Variants in DST observed in about 807,000 individuals in gnomAD.
DST encodes bullous pemphigoid antigen.
A neutral mutation model predicts 875.2 loss-of-function variants in DST; 253 were observed. The observed-to-expected ratio is 0.29, with a 90% confidence interval of 0.26 to 0.32. The LOEUF (loss-of-function observed/expected upper bound fraction) is 0.32, where lower values mean the gene tolerates loss of function less well. Ranked by LOEUF, DST falls within the 10% of genes least tolerant of loss-of-function variation. The pLI is 1.00. For missense variants in DST, 8,287 were observed against 9,111.6 expected, an observed-to-expected ratio of 0.91 and a Z score of 3.68; for synonymous variants, 3,124 against 3,197.1, an observed-to-expected ratio of 0.98 and a Z score of 0.77.
chr6:56,857,679 G>A (rs1309507262), intron 3 of DST, among the ~76,000 whole-genome samples: 1 of 152,044 alleles, frequency 6.6e-6, no homozygotes, highest in Non-Finnish European at 1.5e-5. Flanking sequence ...TCCAAAATTA[G>A]GAAAATCAAA....
intron 50 of DST, among the ~76,000 whole-genome samples, chr6:56,578,405 C>T (rs764262537): frequency 1.3e-5 from 2 of 152,062 alleles, no homozygotes; most frequent in Non-Finnish European, 2.9e-5. Flanking sequence ...CAATTAAGCA[C>T]ATTTCTCAAC....
intron 4 of DST, among the ~76,000 whole-genome samples, chr6:56,828,633 C>T (rs1445107523): frequency 6.6e-6 from 1 of 152,226 alleles, no homozygotes; most frequent in Non-Finnish European, 1.5e-5. Flanking sequence ...AACTAATAAT[C>T]AGGAGACCTT....
At chr6:56,867,789 C>T (rs1260113646) in intron 3 of DST, among the ~76,000 whole-genome samples, 2 of 151,772 alleles carry the variant, frequency 1.3e-5, no homozygotes, top group Non-Finnish European at 1.5e-5. Context: ...GCCGAGACCG[C>T]GCCACTGCAC....
At position 56,851,409 on chromosome 6, in the gene DST, G is replaced by A; in HGVS notation, c.613C>T (p.Leu205Phe). ...SVLDPAERAV[L>F]RIADERDKVQ... ...CAGATGCTCTTACCTGCTATCCGAA[G>A]CACTGCCCTCTCGGCAGGGTCCAGC... Residue 205 changes from leucine (L) to phenylalanine (F), a missense_variant, in exon 4 of 104, where the codon CTT becomes TTT. Physicochemically the swap from Leu to Phe is conservative, Grantham distance 22. Transcript: ENST00000680361. 1 of 1,613,096 alleles carries A rather than the reference G, an allele frequency of 6.2e-7. No individual in the cohort carries two copies. Among genetic ancestry groups the A allele is most frequent in the Non-Finnish European group, 8.5e-7 (1 of 1,179,844 alleles).
chr6:56,702,167 G>A (rs2099311390), intron 7 of DST, among the ~76,000 whole-genome samples: 1 of 152,036 alleles, frequency 6.6e-6, no homozygotes, highest in Admixed American at 6.6e-5. Context: ...TTCCAAGTAT[G>A]TTTTATTTAA....
chr6:56,611,965 G>A (rs1441205999), intron 37 of DST, among the ~76,000 whole-genome samples: 1 of 152,202 alleles, frequency 6.6e-6, no homozygotes, highest in African/African-American at 2.4e-5. Flanking sequence ...ACACATGACT[G>A]TGGGACACTA....
At chr6:56,515,109 T>C (rs761882696) in intron 72 of DST, among the ~76,000 whole-genome samples, 1 of 152,234 alleles carries the variant, frequency 6.6e-6, no homozygotes, top group African/African-American at 2.4e-5. Flanking sequence ...TCTAAATGTA[T>C]AAATTTAAAA....
In DST at chr6:56,852,071, G is replaced by A. The variant is rs184135174; in HGVS notation, c.418-467C>T. ...ACAAAGCACAAATGCAGGATGTTGA[G>A]TCCCAACTCCTTTCCGCTTCAAGTC... On this transcript the variant is annotated intron_variant, in intron 3 of 103. Transcript: ENST00000680361. 24 of 1,391,824 alleles carry A rather than the reference G, an allele frequency of 1.7e-5. No homozygotes were observed. The Admixed American group carries it at 4.3e-4, about 25-fold the overall frequency. The allele number at this position is 1,391,824 out of a possible 1,614,324, so 86.2% of individuals were successfully genotyped here. A position where few individuals can be genotyped will look rare whatever the true frequency, so the allele number is the denominator to read the frequency against.
intron 45 of DST, among the ~76,000 whole-genome samples, chr6:56,598,938 A>C (rs376157330): frequency 7.3e-4 from 111 of 152,296 alleles, no homozygotes; most frequent in African/African-American, 2.5e-3. Flanking sequence ...GAAAGAATGC[A>C]GTCAGTGAAA....
chr6:56,927,048 C>T (rs1001820410), intron 2 of DST, among the ~76,000 whole-genome samples: 19 of 152,244 alleles, frequency 1.2e-4, no homozygotes, highest in Admixed American at 6.5e-5. Context: ...TAATTAGATG[C>T]ATATGTACAA....
intron 3 of DST, chr6:56,871,653 C>G (rs1477917068): frequency 4.2e-6 from 3 of 716,652 alleles, no homozygotes; most frequent in East Asian, 5.3e-5. Context: ...TGAAAAGGAA[C>G]AAATTGTTCC....
At chr6:56,862,061 G>A (rs1170501204) in intron 3 of DST, 2 of 152,166 alleles carry the variant, frequency 1.3e-5, no homozygotes, top group East Asian at 3.9e-4. Flanking sequence ...AATGTCTGTT[G>A]GGTGAATTTA....
chr6:56,859,310 A>G (rs1769750069), intron 3 of DST, among the ~76,000 whole-genome samples: 1 of 152,206 alleles, frequency 6.6e-6, no homozygotes, highest in Non-Finnish European at 1.5e-5. Context: ...CCCCAAACAG[A>G]TTACAAATAA....
chr6:56,806,961 A>G (rs941492020), intron 4 of DST, among the ~76,000 whole-genome samples: 5 of 152,166 alleles, frequency 3.3e-5, no homozygotes, highest in Non-Finnish European at 7.3e-5. Context: ...CTATATACCT[A>G]TAAAGATGGC....
intron 56 of DST, 33 bp downstream of exon 56, chr6:56,562,105 A>C: frequency 8.1e-6 from 11 of 1,351,758 alleles, no homozygotes; most frequent in African/African-American, 1.5e-5. Context: ...ATCAAATTAC[A>C]TTAATCAGTA....
Position 56,844,545 on chromosome 6 carries a change from C to T in DST, c.625+6852G>A, listed in dbSNP as rs965130214. 3.9e-5 allele frequency among the ~76,000 whole-genome samples: 6 copies of T among 152,152 alleles called. No homozygotes were observed. The South Asian group carries it at 1.2e-3, about 31-fold the overall frequency. ...TGAGTTTAAGCGTCCATTGGAGGAA[C>T]CAACTGATACCCAGGCATGTAAATG... On this transcript the variant is annotated intron_variant, in intron 4 of 103. Coordinates refer to ENST00000680361, the MANE Select transcript of DST (RefSeq NM_001374736.1).
At chr6:56,521,033 ATTAT>A (rs2096688383) in intron 69 of DST, among the ~76,000 whole-genome samples, 1 of 152,188 alleles carries the variant, frequency 6.6e-6, no homozygotes, top group Non-Finnish European at 1.5e-5. Context: ...TTTCTGTGAT[ATTAT>A]TTAATTTCAA....
intron 5 of DST, among the ~76,000 whole-genome samples, chr6:56,732,402 A>C (rs1293794787): frequency 6.6e-6 from 1 of 152,158 alleles, no homozygotes; most frequent in Non-Finnish European, 1.5e-5. Context: ...TTTTCAGGAA[A>C]ACTTTTTCTA....
At position 56,624,042 on chromosome 6, in the gene DST, C is replaced by T. The variant is rs138922983; in HGVS notation, c.4929+488G>A. On this transcript the variant is annotated intron_variant, in intron 36 of 103. Transcript: ENST00000680361. ...CTTAAAAAGTATCATTTTGTAAAAA[C>T]GTCTACTACTTCTAAGTTAGCATCT... Among the ~76,000 whole-genome samples the T allele has an allele frequency of 7.9e-5, 12 of 151,092 alleles. No homozygotes were observed. In the East Asian group the frequency reaches 1.9e-3, roughly 24 times the overall value.
Sources: gnomAD v4.1 joint callset for allele counts (sites outside exome capture counted in the v4.1 genomes callset) on GRCh38, gnomAD v4.1.1 for gene constraint, MANE v1.5 for transcripts, NCBI Gene and HGNC (gene_info 2026-07-23, HGNC 2026-07-21) for gene names.